TBC1D5: variants seen among roughly 807,000 people sequenced by gnomAD.
TBC1D5 encodes TBC1 domain family, member 5.
A neutral mutation model predicts 100.3 loss-of-function variants in TBC1D5; 75 were observed. The ratio of observed to expected loss-of-function variants is 0.75; its 90% CI spans 0.62 to 0.91. The LOEUF (loss-of-function observed/expected upper bound fraction) is 0.91, where lower values mean the gene tolerates loss of function less well. TBC1D5 is among the 40% of genes least tolerant of loss of function. The pLI, the probability that TBC1D5 is intolerant of heterozygous loss-of-function variation, is 0.00. For missense variants in TBC1D5, 910 were observed against 942.4 expected, an observed-to-expected ratio of 0.97 and a Z score of 0.45; for synonymous variants, 323 against 325.6, an observed-to-expected ratio of 0.99 and a Z score of 0.09.
chr3:17,591,448 A>C lies in TBC1D5; in HGVS notation c.-36+32401T>G, dbSNP rs557053667. 6.6e-5 allele frequency among the ~76,000 whole-genome samples: 10 copies of C among 152,120 alleles called. No homozygotes were observed. The East Asian group carries it at 1.7e-3, about 27-fold the overall frequency. On this transcript the variant is annotated intron_variant, in intron 2 of 21. Coordinates refer to ENST00000253692, the Ensembl canonical transcript of TBC1D5. Reference sequence around the variant, plus strand: ...TCCCCAAGGAGACCTCCAGCCTTTTACCAGGGTAACTGTGCACTGGGGAAA... The same window carrying C: ...TCCCCAAGGAGACCTCCAGCCTTTTCCCAGGGTAACTGTGCACTGGGGAAA...
At chr3:17,691,725 G>A (rs539077553) in intron 1 of TBC1D5, among the ~76,000 whole-genome samples, 152 of 151,946 alleles carry the variant, frequency 1.0e-3, no homozygotes, top group African/African-American at 3.3e-3. Flanking sequence ...CCTGAGGCAG[G>A]AGAATCACTT....
At chr3:17,593,465 C>G (rs2060363296) in intron 2 of TBC1D5, among the ~76,000 whole-genome samples, 1 of 152,196 alleles carries the variant, frequency 6.6e-6, no homozygotes, top group Admixed American at 6.5e-5. Flanking sequence ...GGCACCATTT[C>G]TCAGGGTGAT....
chr3:17,654,570 T>C (rs1233149804), intron 1 of TBC1D5, among the ~76,000 whole-genome samples: 4 of 152,246 alleles, frequency 2.6e-5, no homozygotes, highest in Non-Finnish European at 4.4e-5. Flanking sequence ...GCCAGTATTT[T>C]ATTGAGGATT....
chr3:17,559,514 A>G (rs1436507697), intron 2 of TBC1D5, among the ~76,000 whole-genome samples: 1 of 152,094 alleles, frequency 6.6e-6, no homozygotes, highest in East Asian at 1.9e-4. Context: ...AAATTTTCCT[A>G]TGTAAGAGGA....
At chr3:17,688,662 C>A (rs183757702) in intron 1 of TBC1D5, among the ~76,000 whole-genome samples, 9 of 152,332 alleles carry the variant, frequency 5.9e-5, no homozygotes, top group South Asian at 2.1e-4. Flanking sequence ...ATTCAACTTA[C>A]TAGCATTCAC....
intron 8 of TBC1D5, among the ~76,000 whole-genome samples, chr3:17,394,381 A>G (rs1210824491): frequency 1.3e-5 from 2 of 152,146 alleles, no homozygotes; most frequent in Admixed American, 1.3e-4. Context: ...CAGAAGTCCC[A>G]GGTACCATTT....
At chr3:17,696,545 T>A (rs576493745) in intron 1 of TBC1D5, among the ~76,000 whole-genome samples, 11 of 152,126 alleles carry the variant, frequency 7.2e-5, no homozygotes, top group African/African-American at 1.9e-4. Flanking sequence ...AAACCAAGAC[T>A]AAACCAGCAA....
At chr3:17,600,546 A>C (rs2060865363) in intron 2 of TBC1D5, among the ~76,000 whole-genome samples, 1 of 152,224 alleles carries the variant, frequency 6.6e-6, no homozygotes, top group South Asian at 2.1e-4. Context: ...TAAAATGTTT[A>C]AAAATAATAA....
chr3:17,676,758 A>AAG (rs1287295792), intron 1 of TBC1D5, among the ~76,000 whole-genome samples: 2 of 152,242 alleles, frequency 1.3e-5, no homozygotes, highest in African/African-American at 2.4e-5. Context: ...ACTATACTAC[A>AAG]AGGCTACAAT....
At chr3:17,368,328 C>T (rs2092284058) in intron 13 of TBC1D5, among the ~76,000 whole-genome samples, 1 of 152,042 alleles carries the variant, frequency 6.6e-6, no homozygotes, top group African/African-American at 2.4e-5. Flanking sequence ...TAGCAAAATG[C>T]AGCAAGTGTA....
At chr3:17,203,936 C>A (rs1575937196) in intron 18 of TBC1D5, among the ~76,000 whole-genome samples, 1 of 152,196 alleles carries the variant, frequency 6.6e-6, no homozygotes, top group East Asian at 1.9e-4. Context: ...CTATGAGGAA[C>A]AACCAAAAGG....
intron 14 of TBC1D5, among the ~76,000 whole-genome samples, chr3:17,305,242 A>T (rs552319335): frequency 6.6e-6 from 1 of 152,244 alleles, no homozygotes; most frequent in East Asian, 1.9e-4. Flanking sequence ...GTTACAACAC[A>T]AACTAAGCTC....
chr3:17,198,498 TATAAG>T (rs1185101219), intron 18 of TBC1D5, among the ~76,000 whole-genome samples: 1 of 152,216 alleles, frequency 6.6e-6, no homozygotes, highest in Non-Finnish European at 1.5e-5. Context: ...TCCCATGTAA[TATAAG>T]ATACTTATAC....
At chr3:17,438,192 C>T (rs1470702785) in intron 3 of TBC1D5, among the ~76,000 whole-genome samples, 1 of 152,186 alleles carries the variant, frequency 6.6e-6, no homozygotes, top group Non-Finnish European at 1.5e-5. Context: ...AATTACAAAA[C>T]ACATTTCCAC....
chr3:17,354,218 T>C (rs144349709), intron 13 of TBC1D5, among the ~76,000 whole-genome samples: 72 of 152,214 alleles, frequency 4.7e-4, no homozygotes, highest in Non-Finnish European at 7.4e-4. Context: ...CTGCTAGGGA[T>C]ATCAAAGATT....
chr3:17,463,412 T>C (rs2095248890), intron 3 of TBC1D5, among the ~76,000 whole-genome samples: 1 of 152,146 alleles, frequency 6.6e-6, no homozygotes, highest in African/African-American at 2.4e-5. Context: ...TTCTGGCTTC[T>C]CTGGTCATTA....
intron 8 of TBC1D5, among the ~76,000 whole-genome samples, chr3:17,402,510 C>T (rs533732737): frequency 1.3e-5 from 2 of 152,184 alleles, no homozygotes; most frequent in South Asian, 4.1e-4. Context: ...GAGATGATTA[C>T]TATTATCCCC....
chr3:17,691,073 C>T (rs1325827006), intron 1 of TBC1D5, among the ~76,000 whole-genome samples: 1 of 152,152 alleles, frequency 6.6e-6, no homozygotes, highest in Non-Finnish European at 1.5e-5. Context: ...CTCATTCTAA[C>T]GTTGGTAAAA....
At chr3:17,283,582 C>A (rs538261177) in intron 15 of TBC1D5, among the ~76,000 whole-genome samples, 5 of 152,104 alleles carry the variant, frequency 3.3e-5, no homozygotes, top group Admixed American at 3.3e-4. Flanking sequence ...ATGTGACGGC[C>A]AAGAGGTGTG....
Sources: gnomAD v4.1 joint callset for allele counts (sites outside exome capture counted in the v4.1 genomes callset) on GRCh38, gnomAD v4.1.1 for gene constraint, MANE v1.5 for transcripts, NCBI Gene and HGNC (gene_info 2026-07-23, HGNC 2026-07-21) for gene names.